The following AR variants were observed in gnomAD, a reference collection of about 807,000 sequenced individuals.
AR encodes dihydrotestosterone receptor.
AR carries 8 observed loss-of-function variants against 53.9 expected under a neutral mutation model. That is an observed-to-expected ratio of 0.15 (90% CI 0.09 to 0.27). AR has a LOEUF of 0.27. Among genes scored for constraint, AR ranks in the 10% least tolerant of loss-of-function variants. The pLI is 1.00. For synonymous variants in AR, 359 were observed against 316.4 expected (o/e 1.13, Z -1.43); for missense variants, 639 against 742.5 (o/e 0.86, Z 1.62).
intron 2 of AR, among the ~76,000 whole-genome samples, chrX:67,658,564 A>G (rs1396381018): frequency 9.0e-6 from 1 of 111,691 alleles, no homozygotes; most frequent in African/African-American, 3.3e-5. Context: ...GACTCAAGCA[A>G]TCCTCCCATC....
At position 67,723,312 on chromosome X, in the gene AR, C is replaced by CTG. The variant is rs796606484; in HGVS notation, c.2608-334_2608-333dup. On this transcript the variant is annotated intron_variant, in intron 7 of 7. Transcript: ENST00000374690. ...GTCATGTTCATGTGAGTTTGTCTGT[C>CTG]TGTGTGTGTGTGTGTGTGTGTGTGT... Among the ~76,000 whole-genome samples the CTG allele has an allele frequency of 0.012, 897 of 77,987 alleles. 44 individuals are homozygous for CTG. In the East Asian group the frequency reaches 0.17, roughly 15 times the overall value. 67.7% of individuals were successfully genotyped at this position (77,987 alleles called of 115,157 possible). A position where few individuals can be genotyped will look rare whatever the true frequency, so the allele number is the denominator to read the frequency against.
intron 1 of AR, among the ~76,000 whole-genome samples, chrX:67,641,353 G>C (rs949109281): frequency 2.7e-5 from 3 of 111,895 alleles, no homozygotes; most frequent in African/African-American, 9.7e-5. Flanking sequence ...CTAAATACAT[G>C]TTCTTCTGAT....
rs2147322355 is a variant in AR, at chrX:67,546,572, G to A, written c.1426G>A (p.Gly476Arg). 5 of 1,031,446 alleles carry A rather than the reference G, an allele frequency of 4.8e-6. No individual in the cohort carries two copies. The highest frequency in any genetic ancestry group is 6.3e-6 in the Non-Finnish European group (5 of 798,236). The allele number at this position is 1,031,446 out of a possible 1,213,427, so 85.0% of individuals were successfully genotyped here. A position where few individuals can be genotyped will look rare whatever the true frequency, so the allele number is the denominator to read the frequency against. Residue 476 changes from glycine to arginine, a missense_variant, in exon 1 of 8, where the codon GGA (glycine) becomes AGA (arginine). By Grantham distance (125) the Gly-to-Arg change is moderately radical. Transcript: ENST00000374690. ...GGGGGGGGEA[G>R]AVAPYGYTRP... is the part of the protein sequence containing the mutation. ...CGGCGGCGGCGGCGGCGGCGAGGCG[G>A]GAGCTGTAGCCCCCTACGGCTACAC...
chrX:67,627,276 A>G (rs1924723400), intron 1 of AR, among the ~76,000 whole-genome samples: 1 of 111,282 alleles, frequency 9.0e-6, no homozygotes, highest in African/African-American at 3.3e-5. Context: ...ATTTCTCCAC[A>G]TCCTCTCCAG....
At chrX:67,572,902 T>C (rs963373189) in intron 1 of AR, among the ~76,000 whole-genome samples, 20 of 111,762 alleles carry the variant, frequency 1.8e-4, no homozygotes. Context: ...TATCAAAAAA[T>C]TATTGCGTAC....
In AR at chrX:67,545,435, C is replaced by T. The variant is rs1329298379; in HGVS notation, c.289C>T (p.Pro97Ser). Residue 97 changes from proline to serine, a missense_variant, in exon 1 of 8, where the codon CCC becomes TCC. Physicochemically the swap from Pro to Ser is moderately conservative, Grantham distance 74. Around this residue, in one of 5 missense-constraint regions of AR, gnomAD observed 55 missense variants for 84.8 expected, o/e 0.65. Transcript: ENST00000374690. ...GCAGCAGCAGGGTGAGGATGGTTCTCCCCAAGCCCATCGTAGAGGCCCCAC... is the reference window on the plus strand; with the variant it reads ...GCAGCAGCAGGGTGAGGATGGTTCTTCCCAAGCCCATCGTAGAGGCCCCAC... ...QQQQQGEDGS[P>S]QAHRRGPTGY... The T allele has an allele frequency of 2.5e-6, 3 of 1,200,491 alleles. No homozygotes were observed. In the East Asian group the frequency reaches 9.0e-5, roughly 36 times the overall value.
At chrX:67,585,795 A>G (rs1030781565) in intron 1 of AR, among the ~76,000 whole-genome samples, 3 of 112,388 alleles carry the variant, frequency 2.7e-5, no homozygotes, top group Admixed American at 1.9e-4. Flanking sequence ...ACCAGTGAAC[A>G]CTGTTGTACC....
At chrX:67,572,590 T>C (rs1921865054) in intron 1 of AR, among the ~76,000 whole-genome samples, 2 of 111,792 alleles carry the variant, frequency 1.8e-5, no homozygotes, top group South Asian at 3.7e-4. Flanking sequence ...GATTTGAAAA[T>C]TCCAGTATAC....
intron 3 of AR, among the ~76,000 whole-genome samples, chrX:67,701,051 G>A (rs1260445203): frequency 9.0e-6 from 1 of 111,532 alleles, no homozygotes; most frequent in Non-Finnish European, 1.9e-5. Flanking sequence ...TTATTCAGTA[G>A]AACTTTCTGA....
chrX:67,694,079 A>G (rs1393028320), intron 3 of AR, among the ~76,000 whole-genome samples: 1 of 111,729 alleles, frequency 9.0e-6, no homozygotes, highest in Non-Finnish European at 1.9e-5. Context: ...GTTGGCCACA[A>G]TGAAACTGAA....
At chrX:67,626,233 A>G (rs1924629263) in intron 1 of AR, among the ~76,000 whole-genome samples, 1 of 110,070 alleles carries the variant, frequency 9.1e-6, no homozygotes, top group African/African-American at 3.3e-5. Flanking sequence ...TACACTTCGT[A>G]GCATCTGGTA....
chrX:67,693,713 G>A lies in AR; in HGVS notation c.1885+7587G>A, dbSNP rs549395707. On this transcript the variant is annotated intron_variant, in intron 3 of 7. Transcript: ENST00000374690. Reference sequence around the variant, plus strand: ...GCTCATCTGTTATTAATATTTCTGTGACAACAGATATCTAGGAAGTAAACA... The same window carrying A: ...GCTCATCTGTTATTAATATTTCTGTAACAACAGATATCTAGGAAGTAAACA... Among the ~76,000 whole-genome samples the A allele has an allele frequency of 8.1e-5, 9 of 111,634 alleles. No homozygotes were observed. The South Asian group carries it at 3.0e-3, about 38-fold the overall frequency.
chrX:67,706,622 A>G (rs1404754499), intron 3 of AR, among the ~76,000 whole-genome samples: 1 of 111,227 alleles, frequency 9.0e-6, no homozygotes, highest in Non-Finnish European at 1.9e-5. Context: ...TGATTTTTTG[A>G]AGGGTTTCCC....
intron 1 of AR, among the ~76,000 whole-genome samples, chrX:67,599,800 T>C (rs1026733476): frequency 8.9e-6 from 1 of 112,576 alleles, no homozygotes; most frequent in African/African-American, 3.2e-5. Flanking sequence ...ATTTGTTTTT[T>C]ATTTATTTTT....
At position 67,717,460 on chromosome X, in the gene AR, C is replaced by A. The variant is rs1278178144; in HGVS notation, c.2174-18C>A. ...TCAGTACCCAGACTGACCACTGCCT[C>A]TGCCTCTTCTTCTCCAGGCTTCCGC... On this transcript the variant is annotated intron_variant, in intron 4 of 7. Transcript: ENST00000374690. The A allele has an allele frequency of 2.5e-6, 3 of 1,211,365 alleles. No homozygotes were observed. In the African/African-American group the frequency reaches 5.2e-5, roughly 21 times the overall value.
rs1353871181 is a variant in AR at position 67,546,538 on chromosome X, C to T, written c.1392C>T (p.Gly464=). The part of the protein sequence containing the change: ...GGGGGGGGGG[G]GGGGGGGGGE... ...GTGGCGGCGGCGGCGGCGGCGGCGGCGGCGGCGGCGGCGGCGGCGGCGGCG... is the reference window on the plus strand; with the variant it reads ...GTGGCGGCGGCGGCGGCGGCGGCGGTGGCGGCGGCGGCGGCGGCGGCGGCG... Residue 464 remains glycine, a synonymous_variant, in exon 1 of 8, where the codon GGC becomes GGT. Transcript: ENST00000374690. The T allele has an allele frequency of 2.4e-5, 21 of 864,161 alleles. 1 individual carries two copies. Among genetic ancestry groups the T allele is most frequent in the Admixed American group, 6.6e-5 (1 of 15,118 alleles). 71.2% of individuals were successfully genotyped at this position (864,161 alleles called of 1,213,427 possible).
At chrX:67,686,229 G>A (rs948589467) in intron 3 of AR, 103 bp downstream of exon 3, 1 of 901,093 alleles carries the variant, frequency 1.1e-6, no homozygotes, top group African/African-American at 2.0e-5. Flanking sequence ...TGCTTCCAAG[G>A]GGACCAGCCA....
At chrX:67,595,433 A>G (rs1453769893) in intron 1 of AR, among the ~76,000 whole-genome samples, 2 of 110,581 alleles carry the variant, frequency 1.8e-5, no homozygotes, top group African/African-American at 3.3e-5. Flanking sequence ...GTAAATCCTG[A>G]TGGTATAATT....
At chrX:67,650,150 A>G (rs187689611) in intron 2 of AR, among the ~76,000 whole-genome samples, 2 of 111,940 alleles carry the variant, frequency 1.8e-5, no homozygotes, top group African/African-American at 6.5e-5. Context: ...TAAATTATAG[A>G]TTCAATGCTA....
Sources: gnomAD v4.1 joint callset for allele counts (sites outside exome capture counted in the v4.1 genomes callset) on GRCh38, gnomAD v4.1.1 for gene constraint, gnomAD v4.1.1 regional missense constraint, MANE v1.5 for transcripts, NCBI Gene and HGNC (gene_info 2026-07-23, HGNC 2026-07-21) for gene names.